Variants in KHDRBS3 observed in about 807,000 individuals in gnomAD.
The protein encoded by KHDRBS3 is KH RNA binding domain containing, signal transduction associated 3.
A neutral mutation model predicts 45.6 loss-of-function variants in KHDRBS3; 23 were observed. The observed-to-expected ratio is 0.50, with a 90% CI of 0.36 to 0.72. The LOEUF is 0.72. Ranked by LOEUF, KHDRBS3 falls within the 30% of genes least tolerant of loss-of-function variation. The pLI is 0.00. For synonymous variants in KHDRBS3, 162 were observed against 156.5 expected, an observed-to-expected ratio of 1.04 and a Z score of -0.26; for missense variants, 352 against 424.8, an observed-to-expected ratio of 0.83 and a Z score of 1.51.
intron 7 of KHDRBS3, among the ~76,000 whole-genome samples, chr8:135,631,205 C>T (rs192357967): frequency 1.2e-3 from 155 of 133,036 alleles, no homozygotes; most frequent in Non-Finnish European, 1.1e-3. Flanking sequence ...TAGCTGAGAT[C>T]GCGACACTGC....
intron 5 of KHDRBS3, among the ~76,000 whole-genome samples, chr8:135,558,707 T>A (rs912356762): frequency 6.6e-6 from 1 of 152,236 alleles, no homozygotes; most frequent in Non-Finnish European, 1.5e-5. Flanking sequence ...CCATTAAATT[T>A]ACTTGAAATC....
chr8:135,606,905 T>C (rs1258743218), intron 6 of KHDRBS3, 50 bp from the exon 7 acceptor site: 3 of 1,443,532 alleles, frequency 2.1e-6, no homozygotes, highest in Non-Finnish European at 2.9e-6. Flanking sequence ...TGCTTCTTTC[T>C]TTTTAGAAAC....
chr8:135,502,571 A>G (rs1823785935), intron 1 of KHDRBS3, among the ~76,000 whole-genome samples: 1 of 152,232 alleles, frequency 6.6e-6, no homozygotes. Flanking sequence ...CATTGTGAGT[A>G]TCCACATGTA....
rs73712076 is a variant in KHDRBS3 at position 135,584,029 on chromosome 8, A to G, written c.807+1956A>G. Among the ~76,000 whole-genome samples, 424 of 152,328 alleles carry G rather than the reference A, an allele frequency of 2.8e-3. 2 individuals carry two copies. Among genetic ancestry groups the G allele is most frequent in the Middle Eastern group, 0.017 (5 of 294 alleles). Reference sequence around the variant, plus strand: ...TAATTTACTCCCTTTTCCATCTGCTACCAAAGATAATGGGATAATGGCCCT... The same window carrying G: ...TAATTTACTCCCTTTTCCATCTGCTGCCAAAGATAATGGGATAATGGCCCT... On this transcript the variant is annotated intron_variant, in intron 6 of 8. Coordinates refer to ENST00000355849, the MANE Select transcript of KHDRBS3 (RefSeq NM_006558.3).
At chr8:135,604,036 C>G (rs991840714) in intron 6 of KHDRBS3, among the ~76,000 whole-genome samples, 8 of 151,896 alleles carry the variant, frequency 5.3e-5, no homozygotes, top group African/African-American at 1.9e-4. Context: ...GTTGAATTGT[C>G]TATTTCTCCC....
chr8:135,517,781 C>A (rs1233636228), intron 1 of KHDRBS3, among the ~76,000 whole-genome samples: 1 of 151,996 alleles, frequency 6.6e-6, no homozygotes, highest in African/African-American at 2.4e-5. Flanking sequence ...TTGTTAAATG[C>A]AAACCTATAT....
At chr8:135,625,303 T>G (rs1830309569) in intron 7 of KHDRBS3, 1 of 1,217,786 alleles carries the variant, frequency 8.2e-7, no homozygotes, top group South Asian at 1.2e-5. Context: ...CCCCTTGTTC[T>G]CCTGGCAATT....
chr8:135,612,669 A>G (rs1208908333), intron 7 of KHDRBS3, among the ~76,000 whole-genome samples: 1 of 151,890 alleles, frequency 6.6e-6, no homozygotes, highest in Non-Finnish European at 1.5e-5. Flanking sequence ...TTAGTGAAGA[A>G]TTCTTCACTT....
chr8:135,644,176 G>A (rs1831186795), intron 7 of KHDRBS3, among the ~76,000 whole-genome samples: 2 of 152,140 alleles, frequency 1.3e-5, no homozygotes, highest in African/African-American at 4.8e-5. Context: ...GTCTATTCCT[G>A]TAAAAAATTA....
chr8:135,555,052 A>C (rs1826806071), intron 4 of KHDRBS3, among the ~76,000 whole-genome samples: 1 of 152,210 alleles, frequency 6.6e-6, no homozygotes, highest in Non-Finnish European at 1.5e-5. Context: ...TATTCCACTG[A>C]AATGGATTCC....
chr8:135,622,128 T>C (rs1182518672), intron 7 of KHDRBS3, among the ~76,000 whole-genome samples: 3 of 152,178 alleles, frequency 2.0e-5, no homozygotes, highest in Admixed American at 2.0e-4. Flanking sequence ...CAATTTTATA[T>C]TGAAGTGATT....
At chr8:135,602,722 A>G (rs1443845901) in intron 6 of KHDRBS3, among the ~76,000 whole-genome samples, 1 of 152,214 alleles carries the variant, frequency 6.6e-6, no homozygotes, top group Non-Finnish European at 1.5e-5. Context: ...TGTGCACGAT[A>G]CAGTGACCTG....
intron 5 of KHDRBS3, among the ~76,000 whole-genome samples, chr8:135,560,588 G>T (rs1003363403): frequency 2.0e-5 from 3 of 152,090 alleles, no homozygotes; most frequent in African/African-American, 7.2e-5. Flanking sequence ...TTAAGTTGTT[G>T]AAAATGTTAT....
intron 4 of KHDRBS3, among the ~76,000 whole-genome samples, chr8:135,556,227 T>G (rs986329628): frequency 1.3e-5 from 2 of 152,208 alleles, no homozygotes; most frequent in Non-Finnish European, 2.9e-5. Flanking sequence ...CTAGAATGAT[T>G]TATAATCCTC....
intron 6 of KHDRBS3, among the ~76,000 whole-genome samples, chr8:135,589,485 C>G (rs1202780570): frequency 1.3e-5 from 2 of 152,180 alleles, no homozygotes; most frequent in African/African-American, 4.8e-5. Flanking sequence ...ATTGCCGTCC[C>G]TTAAACATAG....
chr8:135,551,578 A>G (rs996605934), intron 4 of KHDRBS3, among the ~76,000 whole-genome samples: 1 of 152,198 alleles, frequency 6.6e-6, no homozygotes, highest in South Asian at 2.1e-4. Flanking sequence ...ATGTGAAGCC[A>G]CATTTGCATT....
intron 2 of KHDRBS3, among the ~76,000 whole-genome samples, chr8:135,525,200 G>A (rs891558559): frequency 2.6e-5 from 4 of 152,190 alleles, no homozygotes; most frequent in African/African-American, 9.7e-5. Flanking sequence ...AACTTGGTTG[G>A]ATTCAGGGTA....
chr8:135,582,054 A>G lies in KHDRBS3; in HGVS notation c.788A>G (p.Gln263Arg). ...AGACCTCCACCGCCACCCCCGACAC[A>G]AGAGACTTATGGAGAATATGTAAGT... ...GYRPPPPPPT[Q>R]ETYGEYDYDD... is the part of the protein sequence containing the mutation. Residue 263 changes from glutamine to arginine, a missense_variant, in exon 6 of 9, where the codon CAA becomes CGA. By Grantham distance (43) the Gln-to-Arg change is conservative (BLOSUM62 1). This residue lies in a region of KHDRBS3 where 212 missense variants were observed against 209.6 expected (regional missense o/e 1.01). Transcript: ENST00000355849. 1 of 1,579,002 alleles carries G rather than the reference A, an allele frequency of 6.3e-7. No homozygotes were observed. The highest frequency in any genetic ancestry group is 8.6e-7 in the Non-Finnish European group (1 of 1,159,100).
At chr8:135,580,868 C>T (rs574987182) in intron 5 of KHDRBS3, among the ~76,000 whole-genome samples, 1 of 152,302 alleles carries the variant, frequency 6.6e-6, no homozygotes, top group East Asian at 1.9e-4. Flanking sequence ...CTGCCTTGGC[C>T]TCCCAAAGTG....
Sources: allele counts gnomAD v4.1 joint callset (sites outside exome capture counted in the v4.1 genomes callset), GRCh38; gene constraint gnomAD v4.1.1; regional missense constraint gnomAD v4.1.1; transcripts MANE v1.5; gene names NCBI Gene and HGNC (gene_info 2026-07-23, HGNC 2026-07-21).